The following TNC variants were observed in gnomAD, a reference collection of about 807,000 sequenced individuals.
TNC encodes the protein tenascin C, also known as tenascin.
In TNC, 109 loss-of-function variants were observed where a neutral mutation model predicts 202.4. That is an observed-to-expected ratio of 0.54 (90% CI 0.46 to 0.63). The LOEUF is 0.63. Among genes scored for constraint, TNC ranks in the 30% least tolerant of loss-of-function variants. The probability of loss-of-function intolerance (pLI) is 0.00; values close to 1 mark genes in which losing one functional copy is unlikely to be tolerated. For missense variants in TNC, 2,756 were observed against 2,833.3 expected (o/e 0.97, Z 0.62); for synonymous variants, 1,007 against 1,089.7 (o/e 0.92, Z 1.50).
At chr9:115,043,872 G>C (rs1306599031) in intron 17 of TNC, among the ~76,000 whole-genome samples, 1 of 152,234 alleles carries the variant, frequency 6.6e-6, no homozygotes. Flanking sequence ...TTTAGTAGGT[G>C]TATCTTATGG....
intron 15 of TNC, 36 bp from the exon 16 acceptor site, chr9:115,048,568 G>C: frequency 1.3e-6 from 2 of 1,589,438 alleles, no homozygotes; most frequent in Non-Finnish European, 1.7e-6. Context: ...ACTCAGGTTA[G>C]CAGCACTGAC....
Position 115,048,538 on chromosome 9 carries a change from A to T in TNC, c.4580-6T>A. 1 of 1,606,556 alleles carries T rather than the reference A, an allele frequency of 6.2e-7. No individual in the cohort carries two copies. Among genetic ancestry groups the T allele is most frequent in the Non-Finnish European group, 8.5e-7 (1 of 1,177,318 alleles). The stretch of plus-strand genomic sequence containing the variant: ...TTCCAGAAGGGGCAGGGCCTCTGAA[A>T]GAAGGGAGGAGTGAAAATAACTCAG... On this transcript the variant is annotated splice_region_variant and splice_polypyrimidine_tract_variant and intron_variant, in intron 15 of 27. Transcript: ENST00000350763.
At chr9:115,095,484 A>G (rs1213834936) in intron 1 of TNC, among the ~76,000 whole-genome samples, 1 of 22,736 alleles carries the variant, frequency 4.4e-5, no homozygotes, top group East Asian at 1.1e-3. Flanking sequence ...ATATATGTAT[A>G]TATATATGTA....
chr9:115,030,141 C>T (rs1829834061), intron 24 of TNC, 113 bp downstream of exon 24: 3 of 1,156,826 alleles, frequency 2.6e-6, no homozygotes, highest in Admixed American at 4.6e-5. Flanking sequence ...CAAGGCCTCA[C>T]ACATGGGGGT....
intron 12 of TNC, 129 bp downstream of exon 12, chr9:115,063,667 C>G (rs79174492): frequency 1.9e-6 from 2 of 1,037,752 alleles, no homozygotes; most frequent in Non-Finnish European, 2.8e-6. Context: ...TAGGAAGAAG[C>G]AGAGATGATT....
chr9:115,113,266 A>G (rs1837218743), intron 1 of TNC, among the ~76,000 whole-genome samples: 1 of 152,176 alleles, frequency 6.6e-6, no homozygotes, highest in Non-Finnish European at 1.5e-5. Flanking sequence ...TGAAATGGTT[A>G]TAACTAGCCT....
chr9:115,025,970 AG>A (rs1369703129), intron 26 of TNC, among the ~76,000 whole-genome samples: 7 of 152,224 alleles, frequency 4.6e-5, no homozygotes, highest in African/African-American at 1.7e-4. Flanking sequence ...ACCACATGGC[AG>A]GGATGTCTTG....
chr9:115,104,293 G>A (rs979719910), intron 1 of TNC, among the ~76,000 whole-genome samples: 1 of 152,164 alleles, frequency 6.6e-6, no homozygotes, highest in Non-Finnish European at 1.5e-5. Context: ...TTAAGAAATG[G>A]AAGAGATTTA....
chr9:115,020,306 G>C lies in TNC; in HGVS notation c.*851C>G, dbSNP rs980093105. 2.0e-5 allele frequency: 3 copies of C among 151,026 alleles called. No individual in the cohort carries two copies. Among genetic ancestry groups the C allele is most frequent in the Non-Finnish European group, 4.4e-5 (3 of 68,542 alleles). The allele number at this position is 151,026 out of a possible 1,614,324, so 9.4% of individuals were successfully genotyped here. ...GGGGTTAAGCTATCCTCCCACCTTG[G>C]CCTCCCAAAGTGTTGGGATTACAGG... On this transcript the variant is annotated 3_prime_UTR_variant, in exon 28 of 28. Transcript: ENST00000350763.
At position 115,057,181 on chromosome 9, in the gene TNC, G is replaced by A; in HGVS notation, c.4551C>T (p.Thr1517=). Residue 1517 remains threonine (T), a synonymous_variant, in exon 15 of 28, where the codon ACC becomes ACT. Coordinates refer to ENST00000350763, the MANE Select transcript of TNC (RefSeq NM_002160.4). The part of the protein sequence containing the change: ...YLSGLAPSIR[T]KTISATATTE... ...TCGTGGCTGTGGCACTGATGGTTTT[G>A]GTCCGGATGCTGGGAGCAAGTCCAG... is the stretch of plus-strand genomic sequence containing the variant. The A allele has an allele frequency of 6.2e-7, 1 of 1,613,692 alleles. No homozygotes were observed. The highest frequency in any genetic ancestry group is 1.1e-5 in the South Asian group (1 of 91,004).
rs1482292330 is a variant in TNC at position 115,090,988 on chromosome 9, C to T, written c.31G>A (p.Val11Ile). ...GCGAGGGCAAGGAAAGCAAGAAAGA[C>T]ACCTGCCAACAGCTGAGTCATGGCC... is the stretch of plus-strand genomic sequence containing the variant. MGAMTQLLAG[V>I]FLAFLALATE... Residue 11 changes from valine to isoleucine, a missense_variant, in exon 2 of 28, where the codon GTC (valine) becomes ATC (isoleucine). This residue lies in a region of TNC where 2,559 missense variants were observed against 2,546.0 expected (regional missense o/e 1.01). Coordinates refer to ENST00000350763, the MANE Select transcript of TNC (RefSeq NM_002160.4). 4 of 1,612,754 alleles carry T rather than the reference C, an allele frequency of 2.5e-6. No individual in the cohort carries two copies. The highest frequency in any genetic ancestry group is 3.4e-6 in the Non-Finnish European group (4 of 1,180,030).
In TNC at chr9:115,041,092, A is replaced by G; in HGVS notation, c.5249-8T>C. The G allele has an allele frequency of 2.5e-6, 4 of 1,607,332 alleles. No individual in the cohort carries two copies. Among genetic ancestry groups the G allele is most frequent in the Non-Finnish European group, 3.4e-6 (4 of 1,176,346 alleles). ...TTACCATGGAGGGTGTACCTGGAAC[A>G]CAGTAAAAGCAAGATGAGGAATAAT... On this transcript the variant is annotated splice_polypyrimidine_tract_variant and splice_region_variant and intron_variant, in intron 18 of 27. Transcript: ENST00000350763.
At chr9:115,021,398 A>G (rs749262887) in intron 27 of TNC, 131 bp from the exon 28 acceptor site, 5 of 643,072 alleles carry the variant, frequency 7.8e-6, no homozygotes, top group Non-Finnish European at 1.1e-5. Context: ...CAATTTGACC[A>G]TTTGGTATAT....
In TNC at chr9:115,111,399, C is replaced by CTTTTTTTTTT. The variant is rs71375272; in HGVS notation, c.-137+6573_-137+6582dup. ...GCTTATAGACTTTCTCTCTCTCTCT[C>CTTTTTTTTTT]TTTTTTTTTTTTTTTTTTTTTTTTT... On this transcript the variant is annotated intron_variant, in intron 1 of 27. Coordinates refer to ENST00000350763, the MANE Select transcript of TNC (RefSeq NM_002160.4). Among the ~76,000 whole-genome samples, 17 of 71,358 alleles carry CTTTTTTTTTT rather than the reference C, an allele frequency of 2.4e-4. 1 individual carries two copies. Among genetic ancestry groups the CTTTTTTTTTT allele is most frequent in the African/African-American group, 7.8e-4 (13 of 16,624 alleles). The allele number at this position is 71,358 out of a possible 152,430, so 46.8% of individuals were successfully genotyped here. A position where few individuals can be genotyped will look rare whatever the true frequency, so the allele number is the denominator to read the frequency against.
chr9:115,036,368 C>G, intron 20 of TNC, 127 bp from the exon 21 acceptor site: 4 of 1,049,608 alleles, frequency 3.8e-6, no homozygotes, highest in Non-Finnish European at 5.6e-6. Flanking sequence ...AAAAGCAGGT[C>G]TGATTTCTGA....
chr9:115,089,478 A>ATCTCTCTC (rs34987920), intron 2 of TNC, among the ~76,000 whole-genome samples: 1 of 148,524 alleles, frequency 6.7e-6, no homozygotes, highest in South Asian at 2.2e-4. Context: ...CAAAATCCCT[A>ATCTCTCTC]TCTCTCTCTC....
At chr9:115,076,961 G>A (rs577045292) in intron 7 of TNC, among the ~76,000 whole-genome samples, 1 of 152,234 alleles carries the variant, frequency 6.6e-6, no homozygotes, top group South Asian at 2.1e-4. Flanking sequence ...GTGTTGGTGC[G>A]ATCTCGGCTC....
intron 21 of TNC, chr9:115,035,883 G>A (rs60347203): frequency 0.017 from 9,202 of 527,808 alleles, 406 homozygotes; most frequent in Admixed American, 0.099. Flanking sequence ...TTCCTTCCCC[G>A]TGGGGAGACC....
chr9:115,076,344 C>A (rs1370791288), intron 8 of TNC, 46 bp downstream of exon 8: 4 of 1,600,452 alleles, frequency 2.5e-6, no homozygotes, highest in Middle Eastern at 3.4e-4. Context: ...CCTTTAAGGG[C>A]CCTCTAGGGC....
Sources: gnomAD v4.1 joint callset for allele counts (sites outside exome capture counted in the v4.1 genomes callset) on GRCh38, gnomAD v4.1.1 for gene constraint, gnomAD v4.1.1 regional missense constraint, MANE v1.5 for transcripts, NCBI Gene and HGNC (gene_info 2026-07-23, HGNC 2026-07-21) for gene names.